The following C8orf34 variants were observed in gnomAD, a reference collection of about 807,000 sequenced individuals.
The protein encoded by C8orf34 is uncharacterized protein C8orf34.
Under a neutral mutation model 68.3 loss-of-function variants are expected in C8orf34, and 65 were observed. The ratio of observed to expected loss-of-function variants is 0.95; its 90% CI spans 0.78 to 1.17. The LOEUF (loss-of-function observed/expected upper bound fraction) is 1.17. C8orf34 is among the 50% of genes most tolerant of loss of function. The pLI is 0.00. For synonymous variants in C8orf34, 244 were observed against 241.2 expected, an observed-to-expected ratio of 1.01 and a Z score of -0.11; for missense variants, 664 against 655.4, an observed-to-expected ratio of 1.01 and a Z score of -0.14.
chr8:68,711,388 G>A (rs1473068314), intron 9 of C8orf34, among the ~76,000 whole-genome samples: 1 of 152,068 alleles, frequency 6.6e-6, no homozygotes, highest in Non-Finnish European at 1.5e-5. Flanking sequence ...TCACAGAAAG[G>A]TAAGTCCAAC....
intron 8 of C8orf34, among the ~76,000 whole-genome samples, chr8:68,686,002 A>G (rs1468412274): frequency 6.6e-6 from 1 of 152,232 alleles, no homozygotes; most frequent in East Asian, 1.9e-4. Flanking sequence ...GACTACTATG[A>G]ACACATTTAT....
intron 10 of C8orf34, among the ~76,000 whole-genome samples, chr8:68,772,820 GTCTGTCTTTCTTTTCTTTCTTTCTC>G (rs1289826728): frequency 8.7e-6 from 1 of 115,504 alleles, no homozygotes; most frequent in Non-Finnish European, 1.8e-5. Flanking sequence ...CTTTCTTTCT[GTCTGTCTTTCTTTTCTTTCTTTCTC>G]TCTTTCTCTC....
chr8:68,519,649 T>A (rs1814664406), intron 5 of C8orf34, among the ~76,000 whole-genome samples: 1 of 152,176 alleles, frequency 6.6e-6, no homozygotes, highest in Non-Finnish European at 1.5e-5. Flanking sequence ...TTGATTTTCA[T>A]GGTCTTTTAT....
chr8:68,415,607 C>T (rs527728829), intron 1 of C8orf34, among the ~76,000 whole-genome samples: 1 of 152,152 alleles, frequency 6.6e-6, no homozygotes, highest in South Asian at 2.1e-4. Context: ...TTATTTAACC[C>T]ACTCTGGAAT....
At chr8:68,580,245 T>G (rs1019885612) in intron 7 of C8orf34, among the ~76,000 whole-genome samples, 9 of 152,040 alleles carry the variant, frequency 5.9e-5, no homozygotes, top group African/African-American at 2.2e-4. Flanking sequence ...GGGTATACAT[T>G]TTTAAAGCCC....
At chr8:68,414,757 G>A (rs1314250309) in intron 1 of C8orf34, among the ~76,000 whole-genome samples, 1 of 152,108 alleles carries the variant, frequency 6.6e-6, no homozygotes, top group African/African-American at 2.4e-5. Context: ...TATTGAAGAT[G>A]ATCAGAGTTA....
At chr8:68,613,704 G>C (rs576832267) in intron 7 of C8orf34, among the ~76,000 whole-genome samples, 6 of 151,554 alleles carry the variant, frequency 4.0e-5, no homozygotes, top group East Asian at 1.9e-4. Context: ...GGACATTTGG[G>C]TTGGTTCCAA....
At chr8:68,336,661 G>A (rs1030003145) in intron 1 of C8orf34, among the ~76,000 whole-genome samples, 1 of 152,140 alleles carries the variant, frequency 6.6e-6, no homozygotes, top group African/African-American at 2.4e-5. Flanking sequence ...GGAAGGGCCT[G>A]GGAATAACAA....
chr8:68,619,067 C>T (rs997320399), intron 7 of C8orf34, among the ~76,000 whole-genome samples: 2 of 152,074 alleles, frequency 1.3e-5, no homozygotes, highest in Non-Finnish European at 2.9e-5. Context: ...TGTGACTCCA[C>T]CTGTAATCCC....
intron 1 of C8orf34, among the ~76,000 whole-genome samples, chr8:68,352,880 T>G (rs1433663748): frequency 6.6e-6 from 1 of 152,126 alleles, no homozygotes; most frequent in Non-Finnish European, 1.5e-5. Context: ...AGCATCTTTT[T>G]GAACACAAAT....
intron 7 of C8orf34, among the ~76,000 whole-genome samples, chr8:68,589,370 C>T (rs1198001107): frequency 1.1e-4 from 15 of 134,146 alleles, no homozygotes; most frequent in Admixed American, 7.8e-4. Flanking sequence ...AAAGAAAGAA[C>T]GGGAGAAAAA....
At chr8:68,657,991 T>G (rs1286175595) in intron 8 of C8orf34, among the ~76,000 whole-genome samples, 2 of 152,218 alleles carry the variant, frequency 1.3e-5, no homozygotes, top group Non-Finnish European at 2.9e-5. Context: ...CCATTTTTAT[T>G]TATCTGCTTT....
intron 7 of C8orf34, chr8:68,625,379 T>C (rs1472822020): frequency 2.2e-6 from 1 of 465,006 alleles, no homozygotes; most frequent in Non-Finnish European, 3.8e-6. Context: ...GTATCTAATG[T>C]GGGAAGTGAG....
intron 8 of C8orf34, among the ~76,000 whole-genome samples, chr8:68,673,214 G>C (rs775753325): frequency 6.6e-6 from 1 of 152,120 alleles, no homozygotes; most frequent in Non-Finnish European, 1.5e-5. Flanking sequence ...ATGGTGCTAT[G>C]GGAGGGACTT....
intron 7 of C8orf34, among the ~76,000 whole-genome samples, chr8:68,543,564 T>G (rs1815770079): frequency 6.6e-6 from 1 of 152,164 alleles, no homozygotes; most frequent in South Asian, 2.1e-4. Flanking sequence ...TCAGGCAATA[T>G]TATTCTCACC....
intron 7 of C8orf34, among the ~76,000 whole-genome samples, chr8:68,638,631 G>A (rs1450699099): frequency 6.6e-6 from 1 of 151,890 alleles, no homozygotes; most frequent in East Asian, 1.9e-4. Flanking sequence ...GCACGCCAAA[G>A]TCATGTATTT....
chr8:68,526,178 C>G (rs1018602892), intron 6 of C8orf34, among the ~76,000 whole-genome samples: 12 of 151,770 alleles, frequency 7.9e-5, no homozygotes. Context: ...CCAGGCAGGT[C>G]TTGTATTCCT....
chr8:68,803,098 T>C (rs1485728488), intron 12 of C8orf34, among the ~76,000 whole-genome samples: 1 of 152,136 alleles, frequency 6.6e-6, no homozygotes, highest in East Asian at 1.9e-4. Context: ...TCTAATATTA[T>C]GCAAACACTT....
At position 68,787,846 on chromosome 8, in the gene C8orf34, T is replaced by C. The variant is rs953674083; in HGVS notation, c.1549+310T>C. Among the ~76,000 whole-genome samples the C allele has an allele frequency of 3.9e-5, 6 of 152,196 alleles. 1 individual carries two copies. The highest frequency in any genetic ancestry group is 9.6e-5 in the African/African-American group (4 of 41,462). On this transcript the variant is annotated intron_variant, in intron 12 of 13. Transcript: ENST00000518698. ...TAGTCTACGATTACATCAGTGATAATTTATAATTATTTTCAAAATTTCAAA... is the reference window on the plus strand; with the variant it reads ...TAGTCTACGATTACATCAGTGATAACTTATAATTATTTTCAAAATTTCAAA...
Sources: allele counts gnomAD v4.1 joint callset (sites outside exome capture counted in the v4.1 genomes callset), GRCh38; gene constraint gnomAD v4.1.1; transcripts MANE v1.5; gene names NCBI Gene and HGNC (gene_info 2026-07-23, HGNC 2026-07-21).